The following KAZN variants were observed in gnomAD, a reference collection of about 807,000 sequenced individuals.
The protein encoded by KAZN is kazrin, periplakin interacting protein.
A neutral mutation model predicts 87.4 loss-of-function variants in KAZN; 40 were observed. The ratio of observed to expected loss-of-function variants is 0.46; its 90% CI spans 0.36 to 0.60. The LOEUF (loss-of-function observed/expected upper bound fraction) is 0.60, where lower values mean the gene tolerates loss of function less well. Ranked by LOEUF, KAZN falls within the 20% of genes least tolerant of loss-of-function variation. KAZN has a pLI of 0.00. For missense variants in KAZN, 898 were observed against 1,073.9 expected (o/e 0.84, Z 2.29); for synonymous variants, 466 against 458.3 (o/e 1.02, Z -0.22).
Position 14,428,006 on chromosome 1 carries a change from GA to G in KAZN, c.250-170976del, listed in dbSNP as rs534688987. On this transcript the variant is annotated intron_variant, in intron 2 of 16. Transcript: ENST00000636203. ...CTATCAATGTTTGGCCAGGTTGCTT[GA>G]GCTGGAATCCATCAAGTCTGAATGA... 1.3e-3 allele frequency among the ~76,000 whole-genome samples: 202 copies of G among 152,250 alleles called. 3 individuals are homozygous for G. Among genetic ancestry groups the G allele is most frequent in the African/African-American group, 4.9e-3 (202 of 41,538 alleles).
chr1:14,478,033 T>C (rs1668850128), intron 2 of KAZN, among the ~76,000 whole-genome samples: 1 of 152,302 alleles, frequency 6.6e-6, no homozygotes, highest in East Asian at 1.9e-4. Context: ...CAGCACATTG[T>C]GTACAGTCTC....
At chr1:14,404,263 G>T (rs1473965784) in intron 2 of KAZN, among the ~76,000 whole-genome samples, 3 of 152,142 alleles carry the variant, frequency 2.0e-5, no homozygotes, top group Non-Finnish European at 2.9e-5. Flanking sequence ...TGAACCTCAG[G>T]TAGCCCTTTC....
At chr1:14,668,170 C>T (rs566868410) in intron 1 of KAZN, among the ~76,000 whole-genome samples, 1 of 152,258 alleles carries the variant, frequency 6.6e-6, no homozygotes, top group African/African-American at 2.4e-5. Flanking sequence ...ATGAAAGTCT[C>T]CGAGAAACCT....
chr1:14,313,076 T>C (rs1038340765), intron 2 of KAZN, among the ~76,000 whole-genome samples: 1 of 152,178 alleles, frequency 6.6e-6, no homozygotes, highest in Non-Finnish European at 1.5e-5. Flanking sequence ...TAGAGAAATG[T>C]AGACAAATCA....
intron 2 of KAZN, among the ~76,000 whole-genome samples, chr1:14,188,522 A>G (rs1007789776): frequency 2.0e-5 from 3 of 152,148 alleles, no homozygotes; most frequent in Non-Finnish European, 4.4e-5. Flanking sequence ...CACACACAAA[A>G]GAAGGCTAGG....
At chr1:15,037,463 G>A (rs530377865) in intron 3 of KAZN, among the ~76,000 whole-genome samples, 1 of 152,236 alleles carries the variant, frequency 6.6e-6, no homozygotes, top group East Asian at 1.9e-4. Context: ...GACTCTCCCC[G>A]GTCTCAGCCT....
At chr1:14,774,718 C>T (rs1448375415) in intron 1 of KAZN, among the ~76,000 whole-genome samples, 1 of 152,134 alleles carries the variant, frequency 6.6e-6, no homozygotes, top group Non-Finnish European at 1.5e-5. Context: ...CTCCTGACCT[C>T]AAGTGATCCT....
rs1463112934 is a variant in KAZN at position 15,107,606 on chromosome 1, G to A, written c.2048+3417G>A. On this transcript the variant is annotated intron_variant, in intron 13 of 14. Transcript: ENST00000376030. ...CCACCCAAAGAGTTGATGGCAAGATGAGATAAGACAATGCATAAAGCAATT... is the reference window on the plus strand; with the variant it reads ...CCACCCAAAGAGTTGATGGCAAGATAAGATAAGACAATGCATAAAGCAATT... Among the ~76,000 whole-genome samples, 4 of 152,314 alleles carry A rather than the reference G, an allele frequency of 2.6e-5. No individual in the cohort carries two copies. The East Asian group carries it at 7.7e-4, about 29-fold the overall frequency.
intron 2 of KAZN, among the ~76,000 whole-genome samples, chr1:14,378,515 T>G (rs1268161384): frequency 6.6e-6 from 1 of 152,216 alleles, no homozygotes; most frequent in African/African-American, 2.4e-5. Flanking sequence ...ACTGTCGACA[T>G]TACCCCCTTT....
chr1:14,287,922 A>G (rs990338670), intron 2 of KAZN, among the ~76,000 whole-genome samples: 5 of 152,114 alleles, frequency 3.3e-5, no homozygotes, highest in Non-Finnish European at 7.4e-5. Context: ...CCTTTTGTGC[A>G]TCTGTTGAGA....
intron 2 of KAZN, among the ~76,000 whole-genome samples, chr1:14,436,072 A>G (rs1666365374): frequency 6.6e-6 from 1 of 152,160 alleles, no homozygotes; most frequent in South Asian, 2.1e-4. Context: ...TACTAAAAAT[A>G]CAAAAAATTA....
intron 1 of KAZN, among the ~76,000 whole-genome samples, chr1:14,678,238 G>A (rs1454930434): frequency 1.3e-5 from 2 of 152,180 alleles, no homozygotes; most frequent in Non-Finnish European, 2.9e-5. Flanking sequence ...AGCGCGACTA[G>A]AAAAAGCAGG....
intron 1 of KAZN, among the ~76,000 whole-genome samples, chr1:14,070,599 G>A (rs1216797143): frequency 6.6e-6 from 1 of 152,186 alleles, no homozygotes; most frequent in Non-Finnish European, 1.5e-5. Flanking sequence ...CATTATTGTT[G>A]AGAGAAATAA....
intron 1 of KAZN, among the ~76,000 whole-genome samples, chr1:14,889,351 T>C (rs1249002721): frequency 6.6e-6 from 1 of 152,222 alleles, no homozygotes; most frequent in East Asian, 1.9e-4. Context: ...ATTATAAATA[T>C]ATACTAATAT....
intron 1 of KAZN, among the ~76,000 whole-genome samples, chr1:13,994,411 A>G (rs1639417524): frequency 6.6e-6 from 1 of 152,228 alleles, no homozygotes; most frequent in Admixed American, 6.5e-5. Context: ...TAAAATCATA[A>G]AGAGTCAAAG....
At chr1:14,940,861 C>G (rs1660980629) in intron 1 of KAZN, among the ~76,000 whole-genome samples, 1 of 142,318 alleles carries the variant, frequency 7.0e-6, no homozygotes, top group Non-Finnish European at 1.5e-5. Flanking sequence ...CCTGGCCAGG[C>G]AGGTGGAAAT....
intron 1 of KAZN, among the ~76,000 whole-genome samples, chr1:14,821,056 T>C (rs1646724346): frequency 6.6e-6 from 1 of 151,936 alleles, no homozygotes; most frequent in South Asian, 2.1e-4. Flanking sequence ...GCCTGAAAAA[T>C]AGAAGTCCCA....
At position 15,083,756 on chromosome 1, in the gene KAZN, C is replaced by T. The variant is rs145339576; in HGVS notation, c.1223-10424C>T. ...AAGTTCCCCAGCCTGGCAGGCAGGG[C>T]CAGGAGCCATTTCCCAGCCTGTGAG... On this transcript the variant is annotated intron_variant, in intron 8 of 14. Transcript: ENST00000376030. Among the ~76,000 whole-genome samples the T allele has an allele frequency of 3.3e-5, 5 of 152,304 alleles. No homozygotes were observed. The East Asian group carries it at 9.7e-4, about 29-fold the overall frequency.
chr1:14,607,917 T>G (rs1335362959), intron 1 of KAZN, among the ~76,000 whole-genome samples: 1 of 152,224 alleles, frequency 6.6e-6, no homozygotes, highest in Non-Finnish European at 1.5e-5. Context: ...GATACTGTGA[T>G]GAGCTCAACA....
Sources: gnomAD v4.1 joint callset for allele counts (sites outside exome capture counted in the v4.1 genomes callset) on GRCh38, gnomAD v4.1.1 for gene constraint, MANE v1.5 for transcripts, NCBI Gene and HGNC (gene_info 2026-07-23, HGNC 2026-07-21) for gene names.